The following PITPNC1 variants were observed in gnomAD, a reference collection of about 807,000 sequenced individuals.
PITPNC1 encodes cytoplasmic phosphatidylinositol transfer protein 1.
In PITPNC1, 18 loss-of-function variants were observed where a neutral mutation model predicts 44.7. The ratio of observed to expected loss-of-function variants is 0.40; its 90% confidence interval spans 0.28 to 0.60. The LOEUF is 0.60. Among genes scored for constraint, PITPNC1 ranks in the 20% least tolerant of loss-of-function variants. PITPNC1 has a pLI of 0.39. For synonymous variants in PITPNC1, 141 were observed against 149.6 expected, an observed-to-expected ratio of 0.94 and a Z score of 0.42; for missense variants, 290 against 418.4, an observed-to-expected ratio of 0.69 and a Z score of 2.68.
intron 4 of PITPNC1, among the ~76,000 whole-genome samples, chr17:67,568,360 C>T (rs1192261361): frequency 1.3e-5 from 2 of 151,958 alleles, no homozygotes; most frequent in East Asian, 3.9e-4. Context: ...GGAATGGGGA[C>T]GTGACTGCTG....
chr17:67,401,543 T>A (rs562428686), intron 1 of PITPNC1, among the ~76,000 whole-genome samples: 7 of 152,126 alleles, frequency 4.6e-5, no homozygotes, highest in Non-Finnish European at 8.8e-5. Context: ...TCTTTAAACA[T>A]TTAAAGAAAT....
intron 5 of PITPNC1, among the ~76,000 whole-genome samples, chr17:67,614,129 C>G (rs553524752): frequency 6.6e-6 from 1 of 151,364 alleles, no homozygotes; most frequent in African/African-American, 2.4e-5. Flanking sequence ...GAGCGCTAGG[C>G]TTGTGGGTGC....
intron 4 of PITPNC1, among the ~76,000 whole-genome samples, chr17:67,568,457 A>G (rs1466774378): frequency 6.6e-6 from 1 of 152,214 alleles, no homozygotes; most frequent in Non-Finnish European, 1.5e-5. Flanking sequence ...TATACTGAAC[A>G]CCATTAACTT....
intron 1 of PITPNC1, among the ~76,000 whole-genome samples, chr17:67,485,796 A>C (rs1489094432): frequency 6.6e-6 from 1 of 152,182 alleles, no homozygotes; most frequent in Non-Finnish European, 1.5e-5. Flanking sequence ...CTTCGGTCAA[A>C]AAAAGAGCAA....
At chr17:67,605,060 C>A (rs1344106629) in intron 5 of PITPNC1, among the ~76,000 whole-genome samples, 1 of 152,124 alleles carries the variant, frequency 6.6e-6, no homozygotes, top group Non-Finnish European at 1.5e-5. Flanking sequence ...GCCAGGGCAA[C>A]AGGGTGAGAT....
intron 1 of PITPNC1, among the ~76,000 whole-genome samples, chr17:67,420,952 T>G (rs1171106843): frequency 3.3e-5 from 5 of 152,146 alleles, no homozygotes; most frequent in Admixed American, 2.0e-4. Flanking sequence ...TACTTAGAAT[T>G]TCACCAGCCA....
intron 8 of PITPNC1, among the ~76,000 whole-genome samples, chr17:67,690,890 G>A (rs2042914213): frequency 6.6e-6 from 1 of 152,052 alleles, no homozygotes; most frequent in Non-Finnish European, 1.5e-5. Flanking sequence ...GGATCACGAG[G>A]TTAGGAGTTC....
At chr17:67,647,463 G>GTTTTTTTTTTTTTTTTTTTTT (rs1567757487) in intron 6 of PITPNC1, among the ~76,000 whole-genome samples, 1 of 90,598 alleles carries the variant, frequency 1.1e-5, no homozygotes, top group African/African-American at 5.0e-5. Flanking sequence ...GCTAATTTTG[G>GTTTTTTTTTTTTTTTTTTTTT]GTTTTTTTTT....
chr17:67,378,290 C>T, intron 1 of PITPNC1, 88 bp downstream of exon 1: 1 of 820,808 alleles, frequency 1.2e-6, no homozygotes, highest in Non-Finnish European at 1.8e-6. Flanking sequence ...GGGCGAGCGG[C>T]AGGAAACCCA....
chr17:67,491,992 CT>C (rs954418285), intron 1 of PITPNC1, among the ~76,000 whole-genome samples: 18 of 145,586 alleles, frequency 1.2e-4, no homozygotes, highest in South Asian at 9.1e-4. Context: ...AGCGGTCTTC[CT>C]TTTTTTTTCT....
At chr17:67,407,536 C>G (rs979435920) in intron 1 of PITPNC1, among the ~76,000 whole-genome samples, 2 of 152,154 alleles carry the variant, frequency 1.3e-5, no homozygotes, top group African/African-American at 2.4e-5. Flanking sequence ...GACGTGGTGG[C>G]TCACGCCTGT....
intron 5 of PITPNC1, among the ~76,000 whole-genome samples, chr17:67,601,080 C>T (rs2041533167): frequency 1.3e-5 from 2 of 152,106 alleles, no homozygotes; most frequent in African/African-American, 4.8e-5. Flanking sequence ...CCCAAGGTCA[C>T]ACAACTGGGT....
intron 1 of PITPNC1, among the ~76,000 whole-genome samples, chr17:67,516,483 A>G (rs775593372): frequency 5.9e-5 from 9 of 152,230 alleles, no homozygotes; most frequent in Admixed American, 2.0e-4. Flanking sequence ...CTGAACCTAT[A>G]GAAGCCAGGG....
rs935674078 is a variant in PITPNC1, at chr17:67,484,911, C to T, written c.49-47891C>T. The stretch of plus-strand genomic sequence containing the variant: ...TGAGATCATGCTACTGCACTCCAGC[C>T]TGGGTGACAGAGCGAGACTCCATCT... On this transcript the variant is annotated intron_variant, in intron 1 of 8. Coordinates refer to ENST00000581322, the MANE Select transcript of PITPNC1 (RefSeq NM_012417.4). 3.9e-5 allele frequency among the ~76,000 whole-genome samples: 6 copies of T among 152,136 alleles called. No individual in the cohort carries two copies. In the East Asian group the frequency reaches 5.8e-4, roughly 15 times the overall value.
At chr17:67,442,167 G>T (rs1351106000) in intron 1 of PITPNC1, among the ~76,000 whole-genome samples, 2 of 133,878 alleles carry the variant, frequency 1.5e-5, no homozygotes, top group African/African-American at 5.4e-5. Context: ...GCACTGCCCT[G>T]CCAAACCATA....
Position 67,418,072 on chromosome 17 carries a change from A to G in PITPNC1, c.48+39870A>G, listed in dbSNP as rs1020536283. 3.1e-4 allele frequency among the ~76,000 whole-genome samples: 47 copies of G among 152,168 alleles called. 1 individual carries two copies. The highest frequency in any genetic ancestry group is 8.9e-4 in the African/African-American group (37 of 41,456). On this transcript the variant is annotated intron_variant, in intron 1 of 8. Transcript: ENST00000581322. ...AAAAGTCAATGGAACAAGGCAGCGT[A>G]TTGAAATATTCTTTCCTTGGGAAAT...
chr17:67,679,734 C>T (rs563441506), intron 8 of PITPNC1, among the ~76,000 whole-genome samples: 5 of 152,206 alleles, frequency 3.3e-5, no homozygotes, highest in Admixed American at 2.6e-4. Flanking sequence ...CTTTCAAAGC[C>T]GTGATTGGTC....
chr17:67,622,085 G>A (rs976776126), intron 5 of PITPNC1, among the ~76,000 whole-genome samples: 24 of 152,080 alleles, frequency 1.6e-4, no homozygotes, highest in Non-Finnish European at 2.4e-4. Flanking sequence ...GTGAAACCCC[G>A]TCTCTACTAA....
chr17:67,476,369 T>C (rs1313652682), intron 1 of PITPNC1, among the ~76,000 whole-genome samples: 2 of 152,044 alleles, frequency 1.3e-5, no homozygotes, highest in Non-Finnish European at 1.5e-5. Flanking sequence ...GTATTTTTAG[T>C]GGAGACGGGG....
Sources: gnomAD v4.1 joint callset for allele counts (sites outside exome capture counted in the v4.1 genomes callset) on GRCh38, gnomAD v4.1.1 for gene constraint, MANE v1.5 for transcripts, NCBI Gene and HGNC (gene_info 2026-07-23, HGNC 2026-07-21) for gene names.